The following CNBD1 variants were observed in gnomAD, a reference collection of about 807,000 sequenced individuals.
CNBD1 encodes cyclic nucleotide-binding domain-containing protein 1.
A neutral mutation model predicts 54.4 loss-of-function variants in CNBD1; 71 were observed. The observed-to-expected ratio is 1.30, with a 90% CI of 1.08 to 1.59. The LOEUF (loss-of-function observed/expected upper bound fraction) is 1.59. Among genes scored for constraint, CNBD1 ranks in the 40% most tolerant of loss-of-function variants. The pLI is 0.00. For synonymous variants in CNBD1, 182 were observed against 170.7 expected (o/e 1.07, Z -0.51); for missense variants, 659 against 518.0 (o/e 1.27, Z -2.64).
chr8:87,151,094 C>G (rs1812593865), intron 4 of CNBD1, among the ~76,000 whole-genome samples: 1 of 152,108 alleles, frequency 6.6e-6, no homozygotes, highest in Non-Finnish European at 1.5e-5. Context: ...TGTTGCCAAC[C>G]AAACTTCAGA....
At chr8:87,240,849 C>G (rs1807683104) in intron 6 of CNBD1, among the ~76,000 whole-genome samples, 1 of 152,004 alleles carries the variant, frequency 6.6e-6, no homozygotes, top group African/African-American at 2.4e-5. Context: ...AATACCGTAC[C>G]CTTGATCCCT....
intron 4 of CNBD1, among the ~76,000 whole-genome samples, chr8:87,059,869 G>C (rs934383324): frequency 6.6e-6 from 1 of 152,174 alleles, no homozygotes; most frequent in South Asian, 2.1e-4. Context: ...TGGGAAACTG[G>C]CTCAGTCAAG....
rs186299398 is a variant in CNBD1, at chr8:87,188,623, G to C, written c.432-17370G>C. Among the ~76,000 whole-genome samples the C allele has an allele frequency of 2.9e-3, 448 of 151,970 alleles. 1 individual carries two copies. The highest frequency in any genetic ancestry group is 0.01 in the African/African-American group (427 of 41,454). ...TGCCTGTAATCCCAGCTACTTGGGA[G>C]ACCGAGGTAAGAGAATCACCTGAAC... On this transcript the variant is annotated intron_variant, in intron 4 of 10. Coordinates refer to ENST00000518476, the MANE Select transcript of CNBD1 (RefSeq NM_173538.3).
At chr8:87,082,103 A>G (rs765903488) in intron 4 of CNBD1, among the ~76,000 whole-genome samples, 2 of 152,158 alleles carry the variant, frequency 1.3e-5, no homozygotes, top group African/African-American at 2.4e-5. Flanking sequence ...ATACATCCAG[A>G]TGACCTGGAG....
intron 4 of CNBD1, among the ~76,000 whole-genome samples, chr8:87,053,036 T>G (rs1586224569): frequency 3.6e-5 from 5 of 137,476 alleles, no homozygotes; most frequent in Middle Eastern, 3.6e-3. Context: ...GGGTGGGGGG[T>G]TTGAGGGGCT....
chr8:86,898,687 C>T, intron 2 of CNBD1, among the ~76,000 whole-genome samples: 1 of 152,060 alleles, frequency 6.6e-6, no homozygotes, highest in East Asian at 1.9e-4. Context: ...GGATCATAGA[C>T]CTAAATTTAA....
intron 1 of CNBD1, among the ~76,000 whole-genome samples, chr8:86,868,585 C>T (rs1240576547): frequency 6.6e-6 from 1 of 152,064 alleles, no homozygotes; most frequent in Non-Finnish European, 1.5e-5. Context: ...CCCCCCTCAG[C>T]CTCCCAAAGT....
rs1360209153 is a variant in CNBD1, at chr8:87,401,399, A to C, written c.214-27147A>C. Among the ~76,000 whole-genome samples, 4 of 152,172 alleles carry C rather than the reference A, an allele frequency of 2.6e-5. No individual in the cohort carries two copies. In the East Asian group the frequency reaches 7.8e-4, roughly 30 times the overall value. On this transcript the variant is annotated intron_variant, in intron 2 of 7. Transcript: ENST00000521593. ...ATGGCCACAAAGGAAAAGGGGCAAA[A>C]GTTAACCACAGATGCTAGAAGCTTG... is the stretch of plus-strand genomic sequence containing the variant.
At chr8:87,257,369 C>CAAAAAA (rs771338208) in intron 6 of CNBD1, among the ~76,000 whole-genome samples, 1 of 67,546 alleles carries the variant, frequency 1.5e-5, no homozygotes, top group African/African-American at 5.6e-5. Flanking sequence ...AACTCTATCG[C>CAAAAAA]AAAAAAAAAA....
chr8:87,186,895 T>C (rs945617862), intron 4 of CNBD1, among the ~76,000 whole-genome samples: 1 of 152,132 alleles, frequency 6.6e-6, no homozygotes, highest in Admixed American at 6.5e-5. Context: ...TTAGCTGACC[T>C]AGCTGATCTG....
chr8:86,994,029 A>C (rs886737839), intron 4 of CNBD1, among the ~76,000 whole-genome samples: 1 of 152,190 alleles, frequency 6.6e-6, no homozygotes, highest in Non-Finnish European at 1.5e-5. Context: ...AGCCCAGCCC[A>C]GTACAGGGAG....
intron 8 of CNBD1, among the ~76,000 whole-genome samples, chr8:87,343,792 G>C (rs1810115762): frequency 6.6e-6 from 1 of 151,918 alleles, no homozygotes; most frequent in African/African-American, 2.4e-5. Flanking sequence ...TTTACCTTTT[G>C]ATTACCATTT....
chr8:87,129,301 G>T (rs1012598428), intron 4 of CNBD1, among the ~76,000 whole-genome samples: 1 of 151,850 alleles, frequency 6.6e-6, no homozygotes, highest in Non-Finnish European at 1.5e-5. Flanking sequence ...GCCAAAAGTC[G>T]TCTTTGTGGG....
intron 4 of CNBD1, among the ~76,000 whole-genome samples, chr8:87,087,202 G>T (rs1049655004): frequency 1.4e-5 from 2 of 142,540 alleles, no homozygotes; most frequent in Admixed American, 7.1e-5. Flanking sequence ...TGTTAGTGAG[G>T]CACTCCCCAG....
At chr8:87,175,252 A>G (rs1813173551) in intron 4 of CNBD1, among the ~76,000 whole-genome samples, 1 of 152,120 alleles carries the variant, frequency 6.6e-6, no homozygotes. Flanking sequence ...CCAAGCTGGT[A>G]TCTAAGGTGC....
At chr8:86,887,080 C>A (rs1458018405) in intron 1 of CNBD1, among the ~76,000 whole-genome samples, 4 of 152,060 alleles carry the variant, frequency 2.6e-5, no homozygotes, top group Non-Finnish European at 4.4e-5. Flanking sequence ...AGAGGGGGAA[C>A]AAAAGATGGG....
At position 87,284,713 on chromosome 8, in the gene CNBD1, T is replaced by C. The variant is rs376760810; in HGVS notation, c.807T>C (p.Val269=). The C allele has an allele frequency of 1.1e-5, 18 of 1,606,424 alleles. No homozygotes were observed. The East Asian group carries it at 2.5e-4, about 22-fold the overall frequency. The change falls in exon 7 of 11, where the codon GTT becomes GTC. Residue 269 remains valine, a synonymous_variant. Transcript: ENST00000518476. The stretch of plus-strand genomic sequence containing the variant: ...GGAGTACCTTTGGGACTCTGGAAGT[T>C]ATGCCTCAGAATGAATCGGAAACAC... ...SKWSTFGTLE[V]MPQNESETQM...
chr8:87,392,421 C>T (rs113349341), intron 2 of CNBD1, among the ~76,000 whole-genome samples: 2,288 of 151,884 alleles, frequency 0.015, 59 homozygotes, highest in African/African-American at 0.049. Context: ...GTTCATTAAC[C>T]GATGAAGGGA....
chr8:87,260,422 T>G (rs2130848052), intron 6 of CNBD1, among the ~76,000 whole-genome samples: 1 of 152,254 alleles, frequency 6.6e-6, no homozygotes, highest in Non-Finnish European at 1.5e-5. Flanking sequence ...AGCCCGTATT[T>G]TTTCCTAAGG....
Sources: gnomAD v4.1 joint callset for allele counts (sites outside exome capture counted in the v4.1 genomes callset) on GRCh38, gnomAD v4.1.1 for gene constraint, MANE v1.5 for transcripts, NCBI Gene and HGNC (gene_info 2026-07-23, HGNC 2026-07-21) for gene names.